PDE10A: variants seen among roughly 807,000 people sequenced by gnomAD.
PDE10A encodes the protein cAMP and cAMP-inhibited cGMP 3',5'-cyclic phosphodiesterase 10A.
PDE10A carries 39 observed loss-of-function variants against 97.7 expected under a neutral mutation model. That is an observed-to-expected ratio of 0.40 (90% CI 0.31 to 0.52). PDE10A has a LOEUF of 0.52. PDE10A is among the 20% of genes least tolerant of loss of function. PDE10A has a pLI of 0.56. For missense variants in PDE10A, 731 were observed against 1,047.8 expected (o/e 0.70, Z 4.17); for synonymous variants, 371 against 376.8 (o/e 0.98, Z 0.18).
intron 1 of PDE10A, among the ~76,000 whole-genome samples, chr6:165,607,666 G>T (rs946684050): frequency 7.9e-5 from 12 of 152,172 alleles, no homozygotes; most frequent in African/African-American, 2.4e-4. Flanking sequence ...AGAGACTGAC[G>T]CTGGGCAGCT....
chr6:165,837,122 C>T (rs1350194509), intron 1 of PDE10A, among the ~76,000 whole-genome samples: 1 of 151,100 alleles, frequency 6.6e-6, no homozygotes, highest in Non-Finnish European at 1.5e-5. Context: ...GTGGGTGCAG[C>T]ACACCAGCAT....
intron 3 of PDE10A, among the ~76,000 whole-genome samples, chr6:165,470,180 A>G (rs1778905555): frequency 6.6e-6 from 1 of 152,186 alleles, no homozygotes; most frequent in Non-Finnish European, 1.5e-5. Flanking sequence ...GTGTGTGCAG[A>G]TATCACATGA....
chr6:165,783,266 C>T lies in PDE10A; in HGVS notation c.-615+204263G>A, dbSNP rs73786709. On this transcript the variant is annotated intron_variant, in intron 1 of 19. Transcript: ENST00000366882. ...ACAGCCAGCTAGCTGTTACAGAATA[C>T]GAATGACGATTACAGTCATCATTTT... Among the ~76,000 whole-genome samples, 1,125 of 152,294 alleles carry T rather than the reference C, an allele frequency of 7.4e-3. 13 individuals carry two copies. Among genetic ancestry groups the T allele is most frequent in the African/African-American group, 0.025 (1,055 of 41,542 alleles).
At chr6:165,394,104 C>CT (rs1785937353) in intron 15 of PDE10A, among the ~76,000 whole-genome samples, 1 of 151,876 alleles carries the variant, frequency 6.6e-6, no homozygotes, top group Non-Finnish European at 1.5e-5. Flanking sequence ...TTCTGGGGTC[C>CT]ACGTGCAGAA....
chr6:165,522,171 G>A (rs1425323273), intron 2 of PDE10A, among the ~76,000 whole-genome samples: 2 of 152,084 alleles, frequency 1.3e-5, no homozygotes, highest in Non-Finnish European at 2.9e-5. Flanking sequence ...ACCAACCACA[G>A]AAAAGGTCCT....
At position 165,691,915 on chromosome 6, in the gene PDE10A, T is replaced by C. The variant is rs551796122; in HGVS notation, c.-614-148347A>G. 9.2e-5 allele frequency among the ~76,000 whole-genome samples: 14 copies of C among 152,346 alleles called. No homozygotes were observed. In the South Asian group the frequency reaches 2.3e-3, roughly 25 times the overall value. On this transcript the variant is annotated intron_variant, in intron 1 of 19. Coordinates refer to the PDE10A transcript ENST00000366882. ...AAGCACTCGGTACATCCTTGTGGAATTGATGAACTGTGTTAGACCCTTGAC... is the reference window on the plus strand; with the variant it reads ...AAGCACTCGGTACATCCTTGTGGAACTGATGAACTGTGTTAGACCCTTGAC...
At chr6:165,545,992 AC>A (rs933193635) in intron 1 of PDE10A, among the ~76,000 whole-genome samples, 2 of 152,018 alleles carry the variant, frequency 1.3e-5, no homozygotes, top group African/African-American at 4.8e-5. Flanking sequence ...ACTCATAATC[AC>A]CCAAATCTGG....
intron 1 of PDE10A, among the ~76,000 whole-genome samples, chr6:165,623,093 A>G (rs1433275317): frequency 6.6e-6 from 1 of 152,082 alleles, no homozygotes; most frequent in Non-Finnish European, 1.5e-5. Context: ...CAGTCTGCAG[A>G]CCCATGAGCC....
intron 1 of PDE10A, among the ~76,000 whole-genome samples, chr6:165,555,677 G>A (rs932634330): frequency 2.6e-5 from 4 of 152,144 alleles, no homozygotes; most frequent in Non-Finnish European, 5.9e-5. Context: ...CATCCATGAT[G>A]CTTATATTGA....
At chr6:165,748,271 G>A (rs115169403) in intron 1 of PDE10A, among the ~76,000 whole-genome samples, 1,939 of 152,288 alleles carry the variant, frequency 0.013, 40 homozygotes, top group African/African-American at 0.039. Flanking sequence ...TACTTGGAGT[G>A]CAGAAGAAGT....
intron 13 of PDE10A, among the ~76,000 whole-genome samples, chr6:165,413,037 G>T (rs220750): frequency 0.27 from 40,962 of 151,784 alleles, 6,607 homozygotes; most frequent in African/African-American, 0.44. Context: ...AGTTAACACC[G>T]AGAATGCATG....
intron 2 of PDE10A, among the ~76,000 whole-genome samples, chr6:165,501,094 T>A (rs571676546): frequency 6.6e-6 from 1 of 152,120 alleles, no homozygotes; most frequent in Non-Finnish European, 1.5e-5. Context: ...TCAGAGACCA[T>A]TGCCGGCTCG....
chr6:165,521,337 G>A (rs1008278044), intron 2 of PDE10A, among the ~76,000 whole-genome samples: 1 of 152,010 alleles, frequency 6.6e-6, no homozygotes, highest in Non-Finnish European at 1.5e-5. Flanking sequence ...TGGCCTCAAT[G>A]GCCTTCCTTT....
At chr6:165,355,542 AT>A (rs1327397935) in intron 18 of PDE10A, among the ~76,000 whole-genome samples, 3 of 152,208 alleles carry the variant, frequency 2.0e-5, no homozygotes, top group Non-Finnish European at 4.4e-5. Flanking sequence ...AACTTTAAAA[AT>A]TGCTGAATAG....
chr6:165,794,246 C>T (rs1260090435), intron 1 of PDE10A, among the ~76,000 whole-genome samples: 1 of 151,360 alleles, frequency 6.6e-6, no homozygotes, highest in African/African-American at 2.4e-5. Flanking sequence ...CACACGCACA[C>T]CTGCTCACAC....
intron 1 of PDE10A, among the ~76,000 whole-genome samples, chr6:165,892,271 A>T (rs992927383): frequency 2.0e-5 from 3 of 152,138 alleles, no homozygotes; most frequent in Admixed American, 6.5e-5. Flanking sequence ...GTGACACAGG[A>T]GGAGGTCATG....
At chr6:165,349,611 G>T (rs1782561424) in intron 18 of PDE10A, among the ~76,000 whole-genome samples, 1 of 152,184 alleles carries the variant, frequency 6.6e-6, no homozygotes, top group South Asian at 2.1e-4. Context: ...AAAGAACTGA[G>T]TGTTAATCAC....
intron 1 of PDE10A, among the ~76,000 whole-genome samples, chr6:165,573,715 T>C (rs985638568): frequency 3.3e-5 from 5 of 152,116 alleles, no homozygotes; most frequent in Non-Finnish European, 5.9e-5. Flanking sequence ...TCAGAAATAA[T>C]ACCAAACCAT....
chr6:165,725,805 G>A (rs1203781747), intron 1 of PDE10A, among the ~76,000 whole-genome samples: 1 of 151,960 alleles, frequency 6.6e-6, no homozygotes. Context: ...CATTCTTTCT[G>A]CCCCTAGCAA....
Sources: allele counts gnomAD v4.1 joint callset (sites outside exome capture counted in the v4.1 genomes callset), GRCh38; gene constraint gnomAD v4.1.1; transcripts MANE v1.5; gene names NCBI Gene and HGNC (gene_info 2026-07-23, HGNC 2026-07-21).